KIFC1: variants seen among roughly 807,000 people sequenced by gnomAD.
The protein encoded by KIFC1 is kinesin family member C1.
Under a neutral mutation model 66.6 loss-of-function variants are expected in KIFC1, and 37 were observed. That is an observed-to-expected ratio of 0.56 (90% CI 0.43 to 0.73). The LOEUF (loss-of-function observed/expected upper bound fraction) is 0.73, where lower values mean the gene tolerates loss of function less well. KIFC1 is among the 30% of genes least tolerant of loss of function. KIFC1 has a pLI of 0.00. For synonymous variants in KIFC1, 325 were observed against 343.5 expected, an observed-to-expected ratio of 0.95 and a Z score of 0.60; for missense variants, 721 against 859.8, an observed-to-expected ratio of 0.84 and a Z score of 2.02.
In KIFC1 at chr6:33,405,179, G is replaced by A; in HGVS notation, c.1084G>A (p.Gly362Arg). The A allele has an allele frequency of 6.2e-7, 1 of 1,614,112 alleles. No homozygotes were observed. ...TGACGAGCGGCGTGGGACCCTGAGT[G>A]GGGCACCAGCTCCCCCAACTCGCCA... Reference protein sequence around the residue: ...RSDERRGTLSGAPAPPTRHDF... With the variant: ...RSDERRGTLSRAPAPPTRHDF... Residue 362 changes from glycine to arginine, a missense_variant, in exon 7 of 11, where the codon GGG becomes AGG. Physicochemically the swap from Gly to Arg is moderately radical, Grantham distance 125. Transcript: ENST00000428849. This position sits in a 1 kb window ranked among gnomAD's most constrained non-coding sequence, Gnocchi z 5.4.
Position 33,409,736 on chromosome 6 carries a change from TG to T in KIFC1, c.*47del. On this transcript the variant is annotated 3_prime_UTR_variant, in exon 11 of 11. Coordinates refer to ENST00000428849, the MANE Select transcript of KIFC1 (RefSeq NM_002263.4). ...GTGTGTGTGTGTGTGTGTGTGTGTG[TG>T]TGTGTGTGTGTGTGTGTCCCTATGT... 6.3e-6 allele frequency: 9 copies of T among 1,417,590 alleles called. No individual in the cohort carries two copies. The highest frequency in any genetic ancestry group is 1.1e-5 in the South Asian group (1 of 88,600). The allele number at this position is 1,417,590 out of a possible 1,614,324, so 87.8% of individuals were successfully genotyped here.
intron 10 of KIFC1, among the ~76,000 whole-genome samples, chr6:33,408,514 T>TA (rs926446385): frequency 6.6e-6 from 1 of 152,254 alleles, no homozygotes; most frequent in African/African-American, 2.4e-5. Flanking sequence ...TTTCTAATCT[T>TA]AGTTGTTCTG....
At chr6:33,402,462 C>T (rs1775418529) in intron 3 of KIFC1, among the ~76,000 whole-genome samples, 1 of 152,156 alleles carries the variant, frequency 6.6e-6, no homozygotes, top group African/African-American at 2.4e-5. Context: ...TGGCTCACGC[C>T]TGTAATCCCA....
Position 33,409,826 on chromosome 6 carries a change from G to T in KIFC1, c.*136G>T, listed in dbSNP as rs1213791970. On this transcript the variant is annotated 3_prime_UTR_variant, in exon 11 of 11. Transcript: ENST00000428849. ...TGCTTTATTGGGTGGAGGGCACCATGTCCCAGGGCTATCAAATAAAGAATA... is the reference window on the plus strand; with the variant it reads ...TGCTTTATTGGGTGGAGGGCACCATTTCCCAGGGCTATCAAATAAAGAATA... The T allele has an allele frequency of 1.2e-6, 1 of 826,306 alleles. No homozygotes were observed. The allele number at this position is 826,306 out of a possible 1,614,324, so 51.2% of individuals were successfully genotyped here.
intron 1 of KIFC1, among the ~76,000 whole-genome samples, chr6:33,396,796 C>T (rs1229255636): frequency 6.6e-6 from 1 of 151,550 alleles, no homozygotes; most frequent in Non-Finnish European, 1.5e-5. Context: ...ATTCTCCTGC[C>T]TCAGCCTCCC....
At chr6:33,397,460 G>C (rs1775114621) in intron 1 of KIFC1, among the ~76,000 whole-genome samples, 1 of 151,700 alleles carries the variant, frequency 6.6e-6, no homozygotes, top group Middle Eastern at 3.2e-3. Flanking sequence ...ACCACACCCA[G>C]CTAATTTTTG....
intron 10 of KIFC1, chr6:33,407,166 C>G: frequency 1.1e-6 from 1 of 935,820 alleles, no homozygotes; most frequent in Non-Finnish European, 1.5e-6. Flanking sequence ...CCGAACACTT[C>G]GGGAGGCCAA....
At chr6:33,397,881 T>C in intron 1 of KIFC1, 148 bp from the exon 2 acceptor site, 1 of 808,812 alleles carries the variant, frequency 1.2e-6, no homozygotes, top group Non-Finnish European at 2.0e-6. Context: ...CTTCTGTTCA[T>C]GCTGTCTGGC....
intron 1 of KIFC1, among the ~76,000 whole-genome samples, chr6:33,396,987 C>CTTTTTTTTTT (rs9282514): frequency 2.2e-5 from 2 of 89,204 alleles, no homozygotes; most frequent in Non-Finnish European, 4.1e-5. Flanking sequence ...TGGCCAAGTT[C>CTTTTTTTTTT]TTTTTTTTTT....
At position 33,404,225 on chromosome 6, in the gene KIFC1, ACTC is replaced by A; in HGVS notation, c.756+99_756+101del. ...GGTACCCCTCAAGTCTGGGCTGAGA[ACTC>A]CTGAGCACCTATCTTTAGCAGTATA... On this transcript the variant is annotated intron_variant, in intron 6 of 10. Coordinates refer to ENST00000428849, the MANE Select transcript of KIFC1 (RefSeq NM_002263.4). This position sits in a 1 kb window ranked among gnomAD's most constrained non-coding sequence, Gnocchi z 4.0. The A allele has an allele frequency of 2.5e-6, 3 of 1,182,152 alleles. No homozygotes were observed. Among genetic ancestry groups the A allele is most frequent in the Non-Finnish European group, 3.6e-6 (3 of 840,908 alleles). The allele number at this position is 1,182,152 out of a possible 1,614,324, so 73.2% of individuals were successfully genotyped here. A position where few individuals can be genotyped will look rare whatever the true frequency, so the allele number is the denominator to read the frequency against.
At chr6:33,393,210 G>A (rs1774872149) in intron 1 of KIFC1, among the ~76,000 whole-genome samples, 1 of 152,114 alleles carries the variant, frequency 6.6e-6, no homozygotes, top group Non-Finnish European at 1.5e-5. Context: ...AGTCCCTAAA[G>A]AGTTGTAAGG....
In KIFC1 at chr6:33,406,932, A is replaced by G; in HGVS notation, c.1977+57A>G. On this transcript the variant is annotated intron_variant, in intron 10 of 10. Coordinates refer to ENST00000428849, the MANE Select transcript of KIFC1 (RefSeq NM_002263.4). This position sits in a 1 kb window ranked among gnomAD's most constrained non-coding sequence, Gnocchi z 4.5. ...CCCGTGGGTGGTTGTAGGCTTCTCC[A>G]TTCCAATCCCTTTTGTCTTCTAGGG... The G allele has an allele frequency of 6.2e-7, 1 of 1,609,070 alleles. No individual in the cohort carries two copies. The highest frequency in any genetic ancestry group is 1.7e-5 in the Admixed American group (1 of 59,160).
Position 33,409,705 on chromosome 6 carries a change from C to CTG in KIFC1, c.*63_*64dup, listed in dbSNP as rs3066474. 0.018 allele frequency: 22,629 copies of CTG among 1,251,672 alleles called. 243 individuals are homozygous for CTG. Among genetic ancestry groups the CTG allele is most frequent in the African/African-American group, 0.052 (2,786 of 53,108 alleles). The allele number at this position is 1,251,672 out of a possible 1,614,324, so 77.5% of individuals were successfully genotyped here. A position where few individuals can be genotyped will look rare whatever the true frequency, so the allele number is the denominator to read the frequency against. On this transcript the variant is annotated 3_prime_UTR_variant, in exon 11 of 11. Transcript: ENST00000428849. The stretch of plus-strand genomic sequence containing the variant: ...ACAGGAAGTGAAGACGGATCCAGAT[C>CTG]TGTGTGTGTGTGTGTGTGTGTGTGT...
chr6:33,394,910 A>C lies in KIFC1; in HGVS notation c.12+2913A>C, dbSNP rs546600036. Among the ~76,000 whole-genome samples, 14 of 152,328 alleles carry C rather than the reference A, an allele frequency of 9.2e-5. No homozygotes were observed. In the South Asian group the frequency reaches 2.7e-3, roughly 29 times the overall value. ...GCATGGGAGTGGATAGTGAGTATAGATAGAGAATGCTGTTAAAATCTGGAG... is the reference window on the plus strand; with the variant it reads ...GCATGGGAGTGGATAGTGAGTATAGCTAGAGAATGCTGTTAAAATCTGGAG... On this transcript the variant is annotated intron_variant, in intron 1 of 10. Coordinates refer to ENST00000428849, the MANE Select transcript of KIFC1 (RefSeq NM_002263.4).
chr6:33,405,085 C>A lies in KIFC1; in HGVS notation c.990C>A (p.Gly330=), dbSNP rs1435575445. The A allele has an allele frequency of 4.3e-6, 7 of 1,614,128 alleles. No homozygotes were observed. Among genetic ancestry groups the A allele is most frequent in the Non-Finnish European group, 5.1e-6 (6 of 1,180,000 alleles). The change falls in exon 7 of 11, where the codon GGC becomes GGA. Residue 330 remains glycine (G), a synonymous_variant. Coordinates refer to ENST00000428849, the MANE Select transcript of KIFC1 (RefSeq NM_002263.4). The surrounding 1 kb of genome is among the most constrained non-coding windows in gnomAD (Gnocchi z 5.4). ...CGGGGGAGCCCACTCCACCCCCTGG[C>A]CTCCTCCTGTTTCCCTCTGGCCCTG... ...VLPGEPTPPP[G]LLLFPSGPGG...
In KIFC1 at chr6:33,406,852, A is replaced by G; in HGVS notation, c.1954A>G (p.Asn652Asp). The G allele has an allele frequency of 3.1e-6, 5 of 1,614,102 alleles. No individual in the cohort carries two copies. The highest frequency in any genetic ancestry group is 4.2e-6 in the Non-Finnish European group (5 of 1,180,012). Residue 652 changes from asparagine to aspartate, a missense_variant, in exon 10 of 11, where the codon AAC becomes GAC. Transcript: ENST00000428849. The surrounding 1 kb of genome is among the most constrained non-coding windows in gnomAD (Gnocchi z 4.5). ...PLEENVSESLNSLRFASKVNQ... is the reference protein window; with the variant it reads ...PLEENVSESLDSLRFASKVNQ... ...GGAAGAGAACGTCTCCGAGTCCCTCAACTCTCTACGCTTTGCCTCCAAGGT... is the reference window on the plus strand; with the variant it reads ...GGAAGAGAACGTCTCCGAGTCCCTCGACTCTCTACGCTTTGCCTCCAAGGT...
intron 1 of KIFC1, among the ~76,000 whole-genome samples, chr6:33,393,688 C>T (rs541296027): frequency 6.6e-6 from 1 of 151,454 alleles, no homozygotes; most frequent in East Asian, 1.9e-4. Flanking sequence ...TCAAGCAATT[C>T]GCCTGCCTCG....
In KIFC1 at chr6:33,400,161, A is replaced by C; in HGVS notation, c.250+1774A>C. 7.4e-7 allele frequency: 1 copy of C among 1,358,102 alleles called. No homozygotes were observed. 84.1% of individuals were successfully genotyped at this position (1,358,102 alleles called of 1,614,324 possible). On this transcript the variant is annotated intron_variant, in intron 3 of 10. Transcript: ENST00000428849. The surrounding 1 kb of genome is among the most constrained non-coding windows in gnomAD (Gnocchi z 4.3). ...AGCCCATAGACTGGGCAGTCCCCGGAATCTCTTTAATGGTTCCAGAGAGTT... is the reference window on the plus strand; with the variant it reads ...AGCCCATAGACTGGGCAGTCCCCGGCATCTCTTTAATGGTTCCAGAGAGTT...
chr6:33,394,274 A>C (rs1461407558), intron 1 of KIFC1, among the ~76,000 whole-genome samples: 3 of 152,202 alleles, frequency 2.0e-5, no homozygotes, highest in African/African-American at 7.2e-5. Flanking sequence ...AACAGTAAAA[A>C]GTGATTGGAT....
Sources: gnomAD v4.1 joint callset for allele counts (sites outside exome capture counted in the v4.1 genomes callset) on GRCh38, gnomAD v4.1.1 for gene constraint, Gnocchi (gnomAD v3.1) non-coding constraint, MANE v1.5 for transcripts, NCBI Gene and HGNC (gene_info 2026-07-23, HGNC 2026-07-21) for gene names.